The following ACP3 variants were observed in gnomAD, a reference collection of about 807,000 sequenced individuals.
ACP3 encodes the protein acid phosphatase 3, also known as prostatic acid phosphatase.
ACP3 carries 38 observed loss-of-function variants against 45.6 expected under a neutral mutation model. The ratio of observed to expected loss-of-function variants is 0.83; its 90% CI spans 0.64 to 1.09. ACP3 has a LOEUF of 1.09. Ranked by LOEUF, ACP3 falls within the 50% of genes least tolerant of loss-of-function variation. The pLI, the probability that ACP3 is intolerant of heterozygous loss-of-function variation, is 0.00. For missense variants in ACP3, 466 were observed against 463.2 expected, an observed-to-expected ratio of 1.01 and a Z score of -0.05; for synonymous variants, 162 against 164.7, an observed-to-expected ratio of 0.98 and a Z score of 0.13.
chr3:132,337,373 A>G, intron 4 of ACP3, 83 bp from the exon 5 acceptor site: 1 of 860,190 alleles, frequency 1.2e-6, no homozygotes, highest in Non-Finnish European at 1.8e-6. Context: ...TTTGAACCTA[A>G]TGAGGCTTAA....
chr3:132,324,344 T>C (rs1047195437), intron 1 of ACP3, among the ~76,000 whole-genome samples: 6 of 152,126 alleles, frequency 3.9e-5, no homozygotes, highest in Admixed American at 6.5e-5. Flanking sequence ...GCAGATTCAG[T>C]GGAGCAGGTT....
At chr3:132,335,783 G>A (rs1219780387) in intron 4 of ACP3, among the ~76,000 whole-genome samples, 2 of 152,100 alleles carry the variant, frequency 1.3e-5, no homozygotes, top group Admixed American at 1.3e-4. Context: ...GGAGAGGAGT[G>A]ACAAGGGACA....
At chr3:132,334,109 T>G (rs1412939536) in intron 4 of ACP3, among the ~76,000 whole-genome samples, 1 of 152,048 alleles carries the variant, frequency 6.6e-6, no homozygotes, top group Non-Finnish European at 1.5e-5. Context: ...AAAGACTGGA[T>G]AGCAGCACCA....
intron 6 of ACP3, among the ~76,000 whole-genome samples, chr3:132,343,012 G>A (rs1047675344): frequency 1.3e-5 from 2 of 152,188 alleles, no homozygotes; most frequent in African/African-American, 4.8e-5. Flanking sequence ...TATAAAGAAA[G>A]AGGGGAAAAT....
chr3:132,331,511 C>A, intron 2 of ACP3, 136 bp from the exon 3 acceptor site: 1 of 624,190 alleles, frequency 1.6e-6, no homozygotes, highest in Non-Finnish European at 2.7e-6. Flanking sequence ...AAATATGTGT[C>A]ATTATTGTGG....
intron 10 of ACP3, among the ~76,000 whole-genome samples, chr3:132,367,474 A>G (rs1460315048): frequency 6.6e-6 from 1 of 152,162 alleles, no homozygotes; most frequent in Non-Finnish European, 1.5e-5. Context: ...CTCCCTTTTC[A>G]GTGGGGAGCT....
At chr3:132,367,487 A>C (rs1308444716) in intron 10 of ACP3, among the ~76,000 whole-genome samples, 3 of 152,144 alleles carry the variant, frequency 2.0e-5, no homozygotes, top group African/African-American at 7.2e-5. Context: ...GGGGAGCTGA[A>C]TCTCAAGGGT....
At chr3:132,317,984 A>G (rs1937140029) in intron 1 of ACP3, among the ~76,000 whole-genome samples, 1 of 152,260 alleles carries the variant, frequency 6.6e-6, no homozygotes, top group Non-Finnish European at 1.5e-5. Context: ...TTCTGAATTA[A>G]GTAGTCCTTT....
intron 6 of ACP3, among the ~76,000 whole-genome samples, chr3:132,344,445 G>GA (rs1217582913): frequency 0.011 from 1,524 of 136,400 alleles, 30 homozygotes; most frequent in African/African-American, 0.037. Flanking sequence ...CAATGTCTCT[G>GA]AAAAAAAAAA....
chr3:132,345,108 T>G (rs1211476052), intron 7 of ACP3, 49 bp downstream of exon 7: 1 of 1,536,556 alleles, frequency 6.5e-7, no homozygotes, highest in South Asian at 1.1e-5. Context: ...GGTTGAATGA[T>G]CCAGGTCTGA....
chr3:132,347,844 T>TACACACACACACACACAC (rs112045628), intron 7 of ACP3, among the ~76,000 whole-genome samples: 1,471 of 144,974 alleles, frequency 0.01, 16 homozygotes, highest in South Asian at 0.028. Context: ...CACACACACA[T>TACACACACACACACACAC]ACACACACAC....
At chr3:132,361,735 T>C (rs1226548524), downstream of ACP3, among the ~76,000 whole-genome samples, 1 of 152,226 alleles carries the variant, frequency 6.6e-6, no homozygotes, top group Non-Finnish European at 1.5e-5. Flanking sequence ...AGATAATCTA[T>C]TGATAAGTCC....
intron 9 of ACP3, among the ~76,000 whole-genome samples, chr3:132,354,626 A>G (rs1437376804): frequency 3.9e-5 from 6 of 152,188 alleles, no homozygotes; most frequent in Admixed American, 3.9e-4. Context: ...GTGATCTCAC[A>G]TTTTCTTATG....
chr3:132,318,539 A>C (rs1937149438), intron 1 of ACP3, among the ~76,000 whole-genome samples: 1 of 151,256 alleles, frequency 6.6e-6, no homozygotes, highest in Non-Finnish European at 1.5e-5. Context: ...AAAGCTCTTT[A>C]CTTTCTACAG....
chr3:132,336,056 C>T (rs1376559468), intron 4 of ACP3, among the ~76,000 whole-genome samples: 2 of 152,192 alleles, frequency 1.3e-5, no homozygotes, highest in Admixed American at 1.3e-4. Flanking sequence ...GTCAGGAGAT[C>T]GAGACCATCC....
rs1937976728 is a variant in ACP3 at position 132,358,763 on chromosome 3, A to G, written c.*1885A>G. 1 of 987,310 alleles carries G rather than the reference A, an allele frequency of 1.0e-6. No homozygotes were observed. Among genetic ancestry groups the G allele is most frequent in the Non-Finnish European group, 1.2e-6 (1 of 831,082 alleles). The allele number at this position is 987,310 out of a possible 1,614,324, so 61.2% of individuals were successfully genotyped here. On this transcript the variant is annotated 3_prime_UTR_variant, in exon 10 of 10. Transcript: ENST00000336375. ...AGTCATTATTAGGAAGTTCAAAAGCATTGCTTTTATAATGAACTTAGAAAA... is the reference window on the plus strand; with the variant it reads ...AGTCATTATTAGGAAGTTCAAAAGCGTTGCTTTTATAATGAACTTAGAAAA...
intron 5 of ACP3, among the ~76,000 whole-genome samples, chr3:132,342,293 T>C (rs1937560790): frequency 6.6e-6 from 1 of 152,228 alleles, no homozygotes; most frequent in Non-Finnish European, 1.5e-5. Flanking sequence ...TGCATTTTTC[T>C]GTGAAGAACA....
chr3:132,364,644 G>C (rs990156441), intron 10 of ACP3, among the ~76,000 whole-genome samples: 4 of 152,148 alleles, frequency 2.6e-5, no homozygotes, highest in Non-Finnish European at 4.4e-5. Context: ...ACAGTATCTT[G>C]TAATTACCTT....
Position 132,328,679 on chromosome 3 carries a change from CAA to C in ACP3, c.216+339_216+340del, listed in dbSNP as rs553521994. Among the ~76,000 whole-genome samples, 56 of 70,230 alleles carry C rather than the reference CAA, an allele frequency of 8.0e-4. 1 individual carries two copies. The highest frequency in any genetic ancestry group is 4.3e-3 in the South Asian group (7 of 1,622). 46.1% of individuals were successfully genotyped at this position (70,230 alleles called of 152,430 possible). On this transcript the variant is annotated intron_variant, in intron 2 of 9. Coordinates refer to ENST00000336375, the MANE Select transcript of ACP3 (RefSeq NM_001099.5). Reference sequence around the variant, plus strand: ...GGGCAACAAGAGTAAAACTCTATCTCAAAAAAAAAAAAAAAAAAAAAAAGATT... The same window carrying C: ...GGGCAACAAGAGTAAAACTCTATCTCAAAAAAAAAAAAAAAAAAAAAGATT...
Sources: gnomAD v4.1 joint callset for allele counts (sites outside exome capture counted in the v4.1 genomes callset) on GRCh38, gnomAD v4.1.1 for gene constraint, MANE v1.5 for transcripts, NCBI Gene and HGNC (gene_info 2026-07-23, HGNC 2026-07-21) for gene names.